The following MYT1 variants were observed in gnomAD, a reference collection of about 807,000 sequenced individuals.
MYT1 encodes the protein myelin transcription factor 1, also known as myelin transcription factor I.
In MYT1, 23 loss-of-function variants were observed where a neutral mutation model predicts 123.0. The observed-to-expected ratio is 0.19, with a 90% CI of 0.13 to 0.26. MYT1 has a LOEUF of 0.26. MYT1 is among the 10% of genes least tolerant of loss of function. MYT1 has a pLI of 1.00. For missense variants in MYT1, 1,125 were observed against 1,472.5 expected (o/e 0.76, Z 3.86); for synonymous variants, 518 against 575.3 (o/e 0.90, Z 1.43).
intron 19 of MYT1, among the ~76,000 whole-genome samples, chr20:64,236,260 A>ATGGCCGTGGTGGGTGACCCTGGGC (rs1984536669): frequency 3.5e-5 from 3 of 84,592 alleles, no homozygotes; most frequent in African/African-American, 5.6e-5. Context: ...TGACCCTGGG[A>ATGGCCGTGGTGGGTGACCCTGGGC]TGGCGGTGGT....
intron 1 of MYT1, among the ~76,000 whole-genome samples, chr20:64,171,702 C>T (rs1177669234): frequency 6.8e-6 from 1 of 146,488 alleles, no homozygotes; most frequent in Non-Finnish European, 1.5e-5. Flanking sequence ...CCCCTAACCT[C>T]TGGCATCTGG....
intron 1 of MYT1, among the ~76,000 whole-genome samples, chr20:64,170,936 C>T (rs1261553345): frequency 6.7e-5 from 4 of 59,678 alleles, no homozygotes; most frequent in South Asian, 1.1e-3. Context: ...GAGAGAGAGA[C>T]GGAGTCTTGC....
intron 17 of MYT1, 87 bp downstream of exon 17, chr20:64,227,564 G>T: frequency 8.2e-7 from 1 of 1,218,226 alleles, no homozygotes. Context: ...CACTAATGTT[G>T]CTGACAGCTA....
chr20:64,239,746 T>C lies in MYT1; in HGVS notation c.3094-14T>C. 2 of 1,613,420 alleles carry C rather than the reference T, an allele frequency of 1.2e-6. No homozygotes were observed. Among genetic ancestry groups the C allele is most frequent in the Non-Finnish European group, 1.7e-6 (2 of 1,179,764 alleles). On this transcript the variant is annotated splice_polypyrimidine_tract_variant and intron_variant, in intron 21 of 22. Coordinates refer to ENST00000328439, the MANE Select transcript of MYT1 (RefSeq NM_004535.3). ...CCAAGGGCAGGCGGCACTTCGAATC[T>C]CTCTCTGGCACAGATCTCCTCCATG... is the stretch of plus-strand genomic sequence containing the variant.
chr20:64,227,349 C>T (rs1428639827), intron 16 of MYT1, 66 bp from the exon 17 acceptor site: 1 of 1,514,396 alleles, frequency 6.6e-7, no homozygotes, highest in Non-Finnish European at 9.1e-7. Flanking sequence ...TCTGGGGGTC[C>T]CAGGGCTCTG....
At chr20:64,184,673 A>G (rs1982746901) in intron 1 of MYT1, among the ~76,000 whole-genome samples, 2 of 152,260 alleles carry the variant, frequency 1.3e-5, no homozygotes, top group Admixed American at 1.3e-4. Context: ...ACAAAACAAC[A>G]CAGCCAGAGA....
Position 64,227,976 on chromosome 20 carries a change from G to A in MYT1, c.2675+5G>A, listed in dbSNP as rs1984218267. 2 of 1,613,726 alleles carry A rather than the reference G, an allele frequency of 1.2e-6. No homozygotes were observed. Among genetic ancestry groups the A allele is most frequent in the Non-Finnish European group, 8.5e-7 (1 of 1,179,704 alleles). ...GGAGGACCCCGAGCTGATGAAGTAC[G>A]TTGGGCCATGCTGGCTCTTTCATTG... On this transcript the variant is annotated splice_donor_5th_base_variant and intron_variant, in intron 18 of 22. Coordinates refer to ENST00000328439, the MANE Select transcript of MYT1 (RefSeq NM_004535.3).
Position 64,236,615 on chromosome 20 carries a change from G to A in MYT1, c.2958G>A (p.Glu986=), listed in dbSNP as rs752934742. Residue 986 remains glutamate (E), a synonymous_variant, in exon 20 of 23, where the codon GAG becomes GAA. Transcript: ENST00000328439. ...AGAAGGGAAAACTGTCAGGGGATGA[G>A]GTCCTCAGTCCAAAGTTCAAGACTA... The part of the protein sequence containing the change: ...AGKKGKLSGD[E]VLSPKFKTSD... 2 of 1,613,766 alleles carry A rather than the reference G, an allele frequency of 1.2e-6. No homozygotes were observed. The highest frequency in any genetic ancestry group is 3.3e-5 in the Admixed American group (2 of 60,006).
intron 2 of MYT1, among the ~76,000 whole-genome samples, chr20:64,194,860 G>A (rs527727285): frequency 3.9e-5 from 6 of 152,130 alleles, no homozygotes; most frequent in Admixed American, 2.0e-4. Flanking sequence ...GGTTAGACAC[G>A]AGTGGTTTGT....
At chr20:64,235,679 C>G (rs1984500654) in intron 19 of MYT1, among the ~76,000 whole-genome samples, 1 of 142,770 alleles carries the variant, frequency 7.0e-6, no homozygotes, top group Non-Finnish European at 1.5e-5. Context: ...GTGGGTGACA[C>G]TGGGCTGGTG....
At position 64,168,554 on chromosome 20, in the gene MYT1, C is replaced by T. The variant is rs571322232; in HGVS notation, c.-99+3815C>T. Among the ~76,000 whole-genome samples the T allele has an allele frequency of 3.9e-5, 6 of 152,304 alleles. No individual in the cohort carries two copies. In the South Asian group the frequency reaches 1.0e-3, roughly 26 times the overall value. ...AGGCCTTGCAGAGGAGAGAGGATGT[C>T]GACACAGCTGTGGGTGTCTGTGGTC... On this transcript the variant is annotated intron_variant, in intron 1 of 22. Transcript: ENST00000328439. This position sits in a 1 kb window ranked among gnomAD's most constrained non-coding sequence, Gnocchi z 6.1.
rs1982143641 is a variant in MYT1, at chr20:64,168,268, G to A, written c.-99+3529G>A. 6.6e-6 allele frequency among the ~76,000 whole-genome samples: 1 copy of A among 152,264 alleles called. No homozygotes were observed. The highest frequency in any genetic ancestry group is 2.4e-5 in the African/African-American group (1 of 41,468). On this transcript the variant is annotated intron_variant, in intron 1 of 22. Coordinates refer to ENST00000328439, the MANE Select transcript of MYT1 (RefSeq NM_004535.3). The surrounding 1 kb of genome is among the most constrained non-coding windows in gnomAD (Gnocchi z 6.1). ...TAATGGATACTTGCAAGTGGAAAGT[G>A]TAGTTTGAAAATGTCTTCCTGTTTC...
At position 64,186,783 on chromosome 20, in the gene MYT1, C is replaced by G. The variant is rs1323750694; in HGVS notation, c.-98-3280C>G. ...CTGTAGCCCGTGGCCCCGGCATCCA[C>G]GTTTCCGTGGAGACTTTTCCTGTAG... On this transcript the variant is annotated intron_variant, in intron 1 of 22. Transcript: ENST00000328439. The surrounding 1 kb of genome is among the most constrained non-coding windows in gnomAD (Gnocchi z 4.3). Among the ~76,000 whole-genome samples the G allele has an allele frequency of 6.6e-6, 1 of 151,202 alleles. No homozygotes were observed. Among genetic ancestry groups the G allele is most frequent in the Admixed American group, 6.6e-5 (1 of 15,206 alleles).
chr20:64,187,798 G>A (rs146093247), intron 1 of MYT1, among the ~76,000 whole-genome samples: 120 of 152,324 alleles, frequency 7.9e-4, no homozygotes, highest in African/African-American at 2.6e-3. Flanking sequence ...AGGTTGAGCC[G>A]GGTCCTCAGG....
chr20:64,172,749 T>C (rs1221055292), intron 1 of MYT1, among the ~76,000 whole-genome samples: 1 of 142,876 alleles, frequency 7.0e-6, no homozygotes, highest in Non-Finnish European at 1.5e-5. Flanking sequence ...CTCTTTTTTT[T>C]TTTTTTTTTT....
In MYT1 at chr20:64,227,891, G is replaced by C. The variant is rs1984215181; in HGVS notation, c.2595G>C (p.Leu865Phe). The part of the protein sequence containing the change: ...ITGNYASHRS[L>F]SGCPRAKKSG... Reference sequence around the variant, plus strand: ...TTTTTTCCTCTTTCGAAATCAGCTTGTCCGGCTGCCCTCGTGCAAAGAAAA... The same window carrying C: ...TTTTTTCCTCTTTCGAAATCAGCTTCTCCGGCTGCCCTCGTGCAAAGAAAA... The change falls in exon 18 of 23, where the codon TTG (leucine) becomes TTC (phenylalanine). Residue 865 changes from leucine (L) to phenylalanine (F), a missense_variant. Physicochemically the swap from Leu to Phe is conservative, Grantham distance 22. Coordinates refer to ENST00000328439, the MANE Select transcript of MYT1 (RefSeq NM_004535.3). 3.1e-6 allele frequency: 5 copies of C among 1,612,486 alleles called. No individual in the cohort carries two copies. Among genetic ancestry groups the C allele is most frequent in the Non-Finnish European group, 3.4e-6 (4 of 1,179,408 alleles).
chr20:64,236,103 G>C (rs1374329141), intron 19 of MYT1, among the ~76,000 whole-genome samples: 12 of 122,728 alleles, frequency 9.8e-5, no homozygotes, highest in Admixed American at 1.5e-4. Context: ...TGGCCGTGGT[G>C]GGTGACCCTG....
intron 13 of MYT1, among the ~76,000 whole-genome samples, chr20:64,220,248 A>G (rs540696166): frequency 3.3e-5 from 5 of 152,328 alleles, no homozygotes; most frequent in African/African-American, 1.2e-4. Flanking sequence ...CCTGTGGAGC[A>G]TGGTGGCCAG....
rs1019668757 is a variant in MYT1 at position 64,203,841 on chromosome 20, C to G, written c.87-1194C>G. Among the ~76,000 whole-genome samples, 2 of 152,218 alleles carry G rather than the reference C, an allele frequency of 1.3e-5. No individual in the cohort carries two copies. The highest frequency in any genetic ancestry group is 1.5e-5 in the Non-Finnish European group (1 of 68,042). On this transcript the variant is annotated intron_variant, in intron 4 of 22. Coordinates refer to ENST00000328439, the MANE Select transcript of MYT1 (RefSeq NM_004535.3). The surrounding 1 kb of genome is among the most constrained non-coding windows in gnomAD (Gnocchi z 5.1). ...AGACTGGGGATGGCGTTCTTTTCCC[C>G]GGGTCCCAGGTATGGGGGCACCAGC...
Sources: allele counts gnomAD v4.1 joint callset (sites outside exome capture counted in the v4.1 genomes callset), GRCh38; gene constraint gnomAD v4.1.1; non-coding constraint Gnocchi (gnomAD v3.1); transcripts MANE v1.5; gene names NCBI Gene and HGNC (gene_info 2026-07-23, HGNC 2026-07-21).